The following YPEL2 variants were observed in gnomAD, a reference collection of about 807,000 sequenced individuals.
The protein encoded by YPEL2 is protein yippee-like 2.
YPEL2 carries 2 observed loss-of-function variants against 19.1 expected under a neutral mutation model. That is an observed-to-expected ratio of 0.10 (90% CI 0.04 to 0.33). The LOEUF (loss-of-function observed/expected upper bound fraction) is 0.33, where lower values mean the gene tolerates loss of function less well. YPEL2 is among the 10% of genes least tolerant of loss of function. YPEL2 has a pLI of 1.00. For missense variants in YPEL2, 66 were observed against 140.7 expected (o/e 0.47, Z 2.68); for synonymous variants, 52 against 50.0 (o/e 1.04, Z -0.17).
At chr17:59,370,215 A>G (rs774833390) in intron 2 of YPEL2, among the ~76,000 whole-genome samples, 3 of 151,876 alleles carry the variant, frequency 2.0e-5, no homozygotes, top group Non-Finnish European at 2.9e-5. Context: ...GGCGCCTGCC[A>G]CCATGCCCGG....
At chr17:59,380,505 A>G (rs1008842149) in intron 2 of YPEL2, among the ~76,000 whole-genome samples, 2 of 152,128 alleles carry the variant, frequency 1.3e-5, no homozygotes, top group African/African-American at 2.4e-5. Context: ...CCTGACCTCA[A>G]GTGATCTGCC....
intron 1 of YPEL2, among the ~76,000 whole-genome samples, chr17:59,344,873 A>G (rs1181342233): frequency 6.6e-6 from 1 of 152,212 alleles, no homozygotes; most frequent in African/African-American, 2.4e-5. Flanking sequence ...AAGGCTCTGT[A>G]GCTCTTCCAT....
chr17:59,340,664 C>G (rs1282397118), intron 1 of YPEL2, among the ~76,000 whole-genome samples: 1 of 151,910 alleles, frequency 6.6e-6, no homozygotes, highest in Non-Finnish European at 1.5e-5. Context: ...ATCCGCCCAC[C>G]TCGGCCTTTC....
Position 59,350,533 on chromosome 17 carries a change from A to T in YPEL2, c.-195-2682A>T, listed in dbSNP as rs569400669. On this transcript the variant is annotated intron_variant, in intron 1 of 4. Transcript: ENST00000312655. The stretch of plus-strand genomic sequence containing the variant: ...GCCTGGGCCATTGCTTATATGGTAG[A>T]TTTTTCTCTTGTCTTTTTAGGTTCA... Among the ~76,000 whole-genome samples, 751 of 152,050 alleles carry T rather than the reference A, an allele frequency of 4.9e-3. 9 individuals carry two copies. Among genetic ancestry groups the T allele is most frequent in the Non-Finnish European group, 8.3e-3 (562 of 67,976 alleles).
chr17:59,390,041 C>T (rs1255214575), intron 4 of YPEL2, among the ~76,000 whole-genome samples: 2 of 152,108 alleles, frequency 1.3e-5, no homozygotes, highest in African/African-American at 2.4e-5. Flanking sequence ...TGGTCTGTCG[C>T]CCAGGCTGGA....
chr17:59,340,151 A>G, intron 1 of YPEL2, among the ~76,000 whole-genome samples: 1 of 150,502 alleles, frequency 6.6e-6, no homozygotes, highest in South Asian at 2.1e-4. Context: ...CTTGTTGCCC[A>G]AGCTGGAGTA....
At chr17:59,375,882 T>C (rs2047918052) in intron 2 of YPEL2, among the ~76,000 whole-genome samples, 1 of 152,234 alleles carries the variant, frequency 6.6e-6, no homozygotes, top group African/African-American at 2.4e-5. Context: ...GACAGACTTT[T>C]CCAGTGAATA....
intron 1 of YPEL2, among the ~76,000 whole-genome samples, chr17:59,341,903 C>G (rs2047733132): frequency 1.3e-5 from 2 of 152,232 alleles, no homozygotes. Context: ...AATGGCACCA[C>G]TGGATGACAG....
chr17:59,336,927 C>T (rs1206756611), intron 1 of YPEL2, among the ~76,000 whole-genome samples: 4 of 152,154 alleles, frequency 2.6e-5, no homozygotes, highest in Admixed American at 6.5e-5. Context: ...TTTGGAAGGA[C>T]GAGTTTTCTA....
At chr17:59,343,571 C>T (rs2047742046) in intron 1 of YPEL2, among the ~76,000 whole-genome samples, 1 of 151,296 alleles carries the variant, frequency 6.6e-6, no homozygotes, top group Admixed American at 6.6e-5. Context: ...CATCCCTTAA[C>T]GAATAAGGTA....
rs1280018883 is a variant in YPEL2, at chr17:59,386,235, G to A, written c.118-2092G>A. 5.3e-5 allele frequency among the ~76,000 whole-genome samples: 8 copies of A among 151,776 alleles called. No homozygotes were observed. The East Asian group carries it at 1.5e-3, about 29-fold the overall frequency. On this transcript the variant is annotated intron_variant, in intron 2 of 4. Coordinates refer to ENST00000312655, the MANE Select transcript of YPEL2 (RefSeq NM_001005404.4). ...CCAGTTACTCTGGAGGCTCAGGCAG[G>A]AGGATCGCTTGAGCCCAGAAGGTGG...
intron 1 of YPEL2, among the ~76,000 whole-genome samples, chr17:59,334,526 T>C (rs1267475510): frequency 1.3e-5 from 2 of 151,466 alleles, no homozygotes; most frequent in Non-Finnish European, 2.9e-5. Flanking sequence ...AGGCGAATCT[T>C]GTTAGGCATC....
intron 3 of YPEL2, chr17:59,388,901 C>T (rs566492484): frequency 5.2e-6 from 1 of 192,678 alleles, no homozygotes; most frequent in Admixed American, 5.3e-5. Context: ...AGCTGGGCAC[C>T]CTGTGAAGGA....
chr17:59,339,360 T>C (rs2047716044), intron 1 of YPEL2, among the ~76,000 whole-genome samples: 1 of 152,196 alleles, frequency 6.6e-6, no homozygotes, highest in Non-Finnish European at 1.5e-5. Flanking sequence ...TCCCCACACT[T>C]AACTGCAGCC....
At chr17:59,336,975 A>T (rs554882334) in intron 1 of YPEL2, among the ~76,000 whole-genome samples, 14 of 152,322 alleles carry the variant, frequency 9.2e-5, no homozygotes, top group Non-Finnish European at 1.6e-4. Context: ...AGACTTGATT[A>T]GGCTGGGCCA....
intron 2 of YPEL2, among the ~76,000 whole-genome samples, chr17:59,383,613 T>A (rs1168730998): frequency 3.6e-4 from 7 of 19,298 alleles, no homozygotes; most frequent in East Asian, 3.4e-3. Context: ...AAAAAAAATA[T>A]ATATATATAT....
rs1298319072 is a variant in YPEL2 at position 59,332,440 on chromosome 17, C to A, written c.-196+616C>A. On this transcript the variant is annotated intron_variant, in intron 1 of 4. Transcript: ENST00000312655. ...CTCGGCGCCTCCCCGGTGTCCTTGC[C>A]AAGGGGGTGGGCGCGAGGTCCTGCC... Among the ~76,000 whole-genome samples the A allele has an allele frequency of 2.0e-5, 3 of 152,118 alleles. No individual in the cohort carries two copies. In the East Asian group the frequency reaches 5.8e-4, roughly 29 times the overall value.
intron 4 of YPEL2, among the ~76,000 whole-genome samples, chr17:59,393,365 C>A (rs2048017906): frequency 6.6e-6 from 1 of 150,466 alleles, no homozygotes; most frequent in South Asian, 2.1e-4. Flanking sequence ...CTCAAACCGG[C>A]CTCAAGCAGT....
Position 59,353,342 on chromosome 17 carries a change from C to T in YPEL2, c.-68C>T, listed in dbSNP as rs1029159887. The T allele has an allele frequency of 1.2e-5, 14 of 1,193,878 alleles. No homozygotes were observed. Among genetic ancestry groups the T allele is most frequent in the African/African-American group, 1.5e-5 (1 of 65,654 alleles). 74.0% of individuals were successfully genotyped at this position (1,193,878 alleles called of 1,614,324 possible). On this transcript the variant is annotated 5_prime_UTR_variant, in exon 2 of 5. Transcript: ENST00000312655. This position sits in a 1 kb window ranked among gnomAD's most constrained non-coding sequence, Gnocchi z 4.8. ...TTTACCTGTGTCTTCCGGTGTTTCC[C>T]GTGCGACCCATCCTGTGGGAGTGCC...
Sources: gnomAD v4.1 joint callset for allele counts (sites outside exome capture counted in the v4.1 genomes callset) on GRCh38, gnomAD v4.1.1 for gene constraint, Gnocchi (gnomAD v3.1) non-coding constraint, MANE v1.5 for transcripts, NCBI Gene and HGNC (gene_info 2026-07-23, HGNC 2026-07-21) for gene names.